Variants in CEP55 observed in about 807,000 individuals in gnomAD.
CEP55 encodes the protein centrosomal protein 55, also known as centrosomal protein of 55 kDa.
A neutral mutation model predicts 63.2 loss-of-function variants in CEP55; 57 were observed. The observed-to-expected ratio is 0.90, with a 90% CI of 0.73 to 1.13. The LOEUF is 1.13. Among genes scored for constraint, CEP55 ranks in the 50% most tolerant of loss-of-function variants. The pLI, the probability that CEP55 is intolerant of heterozygous loss-of-function variation, is 0.00. For synonymous variants in CEP55, 178 were observed against 191.6 expected, an observed-to-expected ratio of 0.93 and a Z score of 0.59; for missense variants, 456 against 518.9, an observed-to-expected ratio of 0.88 and a Z score of 1.18.
intron 5 of CEP55, 135 bp from the exon 6 acceptor site, chr10:93,516,800 A>G (rs2057807828): frequency 1.6e-6 from 1 of 619,436 alleles, no homozygotes; most frequent in Non-Finnish European, 2.7e-6. Context: ...AATATCAACC[A>G]TAGTCCCTAT....
chr10:93,528,035 C>T lies in CEP55; in HGVS notation c.1277C>T (p.Pro426Leu). The T allele has an allele frequency of 1.2e-6, 2 of 1,614,004 alleles. No individual in the cohort carries two copies. The highest frequency in any genetic ancestry group is 1.7e-6 in the Non-Finnish European group (2 of 1,179,984). The change falls in exon 9 of 9, where the codon CCA becomes CTA. Residue 426 changes from proline (P) to leucine (L), a missense_variant. Physicochemically the swap from Pro to Leu is moderately conservative, Grantham distance 98. Coordinates refer to ENST00000371485, the MANE Select transcript of CEP55 (RefSeq NM_018131.5). ...AACAGAGAAAAAGTTGCCGCCTCAC[C>T]AAAAAGTCCCACTGCTGCACTCAAT... is the stretch of plus-strand genomic sequence containing the variant. ...TENREKVAAS[P>L]KSPTAALNES...
At chr10:93,523,070 T>C (rs2057880572) in intron 8 of CEP55, among the ~76,000 whole-genome samples, 1 of 152,134 alleles carries the variant, frequency 6.6e-6, no homozygotes. Flanking sequence ...AATGACAGGG[T>C]CAAATTCACA....
rs572255812 is a variant in CEP55, at chr10:93,510,937, C to CTTT, written c.528+3898_528+3900dup. On this transcript the variant is annotated intron_variant, in intron 4 of 8. Transcript: ENST00000371485. ...AAGACCTTTATAGCATTCCACAGGA[C>CTTT]TTTTTTTTTTTTTTTTTTTGAGACA... Among the ~76,000 whole-genome samples, 811 of 118,074 alleles carry CTTT rather than the reference C, an allele frequency of 6.9e-3. 44 individuals are homozygous for CTTT. The highest frequency in any genetic ancestry group is 0.056 in the East Asian group (210 of 3,754). 77.5% of individuals were successfully genotyped at this position (118,074 alleles called of 152,430 possible).
Position 93,528,518 on chromosome 10 carries a change from A to G in CEP55, c.*365A>G, listed in dbSNP as rs2057948020. On this transcript the variant is annotated 3_prime_UTR_variant, in exon 9 of 9. Coordinates refer to ENST00000371485, the MANE Select transcript of CEP55 (RefSeq NM_018131.5). ...TTTTGGGGGTTTTGAAAAATCAAAG[A>G]TAATTAACCAAGGATCTTAACTGTG... The G allele has an allele frequency of 5.0e-6, 1 of 199,428 alleles. No homozygotes were observed. The highest frequency in any genetic ancestry group is 5.5e-5 in the Admixed American group (1 of 18,236). The allele number at this position is 199,428 out of a possible 1,614,324, so 12.4% of individuals were successfully genotyped here.
chr10:93,508,591 C>A (rs1426900307), intron 4 of CEP55, among the ~76,000 whole-genome samples: 2 of 152,190 alleles, frequency 1.3e-5, no homozygotes, highest in African/African-American at 4.8e-5. Flanking sequence ...AAATATCTTA[C>A]ACAGCTCCTG....
intron 4 of CEP55, among the ~76,000 whole-genome samples, chr10:93,513,520 T>G (rs2057772359): frequency 6.6e-6 from 1 of 152,244 alleles, no homozygotes; most frequent in Non-Finnish European, 1.5e-5. Context: ...TCCTCTTCAT[T>G]GTGGAACTAG....
chr10:93,518,995 T>C, intron 7 of CEP55, 47 bp downstream of exon 7: 1 of 1,478,684 alleles, frequency 6.8e-7, no homozygotes, highest in South Asian at 1.1e-5. Context: ...TGTTAGAAAA[T>C]GCAGTTTTTC....
At chr10:93,526,221 G>T (rs1005323383) in intron 8 of CEP55, among the ~76,000 whole-genome samples, 5 of 151,976 alleles carry the variant, frequency 3.3e-5, no homozygotes, top group African/African-American at 1.2e-4. Flanking sequence ...AATCTACAAA[G>T]AACTTAAACA....
intron 4 of CEP55, 49 bp downstream of exon 4, chr10:93,507,105 ATTC>A (rs748795214): frequency 9.1e-7 from 1 of 1,099,550 alleles, no homozygotes; most frequent in Admixed American, 2.0e-5. Flanking sequence ...TAATTCATTT[ATTC>A]TTAAGTTTTA....
chr10:93,527,741 C>T (rs1389167930), intron 8 of CEP55, among the ~76,000 whole-genome samples: 1 of 151,736 alleles, frequency 6.6e-6, no homozygotes, highest in Non-Finnish European at 1.5e-5. Flanking sequence ...ATTATCTGGA[C>T]GTGGTGACAT....
rs2057944655 is a variant in CEP55 at position 93,528,208 on chromosome 10, C to T, written c.*55C>T. The T allele has an allele frequency of 4.8e-6, 7 of 1,463,748 alleles. No individual in the cohort carries two copies. The highest frequency in any genetic ancestry group is 6.7e-6 in the Non-Finnish European group (7 of 1,051,374). 90.7% of individuals were successfully genotyped at this position (1,463,748 alleles called of 1,614,324 possible). A position where few individuals can be genotyped will look rare whatever the true frequency, so the allele number is the denominator to read the frequency against. ...GATTCAATACTGTATTTTCTGTTAGCTTGTGGGCATTTTGAATTATATATT... is the reference window on the plus strand; with the variant it reads ...GATTCAATACTGTATTTTCTGTTAGTTTGTGGGCATTTTGAATTATATATT... On this transcript the variant is annotated 3_prime_UTR_variant, in exon 9 of 9. Coordinates refer to ENST00000371485, the MANE Select transcript of CEP55 (RefSeq NM_018131.5).
chr10:93,522,457 C>T (rs1380023645), intron 8 of CEP55, among the ~76,000 whole-genome samples: 1 of 152,210 alleles, frequency 6.6e-6, no homozygotes, highest in Admixed American at 6.5e-5. Flanking sequence ...AAATCTATGT[C>T]TGACTGGTGT....
At chr10:93,517,670 T>C (rs2057818488) in intron 6 of CEP55, among the ~76,000 whole-genome samples, 1 of 152,244 alleles carries the variant, frequency 6.6e-6, no homozygotes, top group South Asian at 2.1e-4. Flanking sequence ...TTAATGGTGA[T>C]GATATGTGCT....
At chr10:93,519,558 A>C (rs982977962) in intron 7 of CEP55, 124 bp from the exon 8 acceptor site, 1 of 1,135,556 alleles carries the variant, frequency 8.8e-7, no homozygotes, top group Non-Finnish European at 1.2e-6. Flanking sequence ...TGCTTAGGTG[A>C]ATTCTTGCTA....
chr10:93,527,500 C>G (rs2057936215), intron 8 of CEP55, among the ~76,000 whole-genome samples: 1 of 152,112 alleles, frequency 6.6e-6, no homozygotes, highest in Non-Finnish European at 1.5e-5. Flanking sequence ...CCTCATAATA[C>G]TGATGAGCTG....
At chr10:93,506,446 A>T (rs912563180) in intron 3 of CEP55, among the ~76,000 whole-genome samples, 1 of 152,200 alleles carries the variant, frequency 6.6e-6, no homozygotes, top group African/African-American at 2.4e-5. Context: ...GTCAGATTAG[A>T]TAGAAAATCT....
chr10:93,512,924 C>A (rs2057767838), intron 4 of CEP55, among the ~76,000 whole-genome samples: 1 of 152,112 alleles, frequency 6.6e-6, no homozygotes, highest in Non-Finnish European at 1.5e-5. Flanking sequence ...TTATTTTTCC[C>A]AATTTTTATT....
intron 4 of CEP55, among the ~76,000 whole-genome samples, chr10:93,512,439 G>A (rs555925766): frequency 1.3e-4 from 19 of 149,320 alleles, no homozygotes; most frequent in African/African-American, 3.7e-4. Flanking sequence ...GCTTGAACCC[G>A]GGAGGTGGAG....
At chr10:93,498,047 G>T (rs11187470) in intron 1 of CEP55, among the ~76,000 whole-genome samples, 72,920 of 151,696 alleles carry the variant, frequency 0.48, 18,896 homozygotes, top group South Asian at 0.58. Flanking sequence ...CCTTGAACCC[G>T]GGAGGCGGAG....
Sources: allele counts gnomAD v4.1 joint callset (sites outside exome capture counted in the v4.1 genomes callset), GRCh38; gene constraint gnomAD v4.1.1; transcripts MANE v1.5; gene names NCBI Gene and HGNC (gene_info 2026-07-23, HGNC 2026-07-21).